The following DIS3 variants were observed in gnomAD, a reference collection of about 807,000 sequenced individuals.
DIS3 encodes exosome complex exonuclease RRP44.
In DIS3, 103 loss-of-function variants were observed where a neutral mutation model predicts 113.0. That is an observed-to-expected ratio of 0.91 (90% CI 0.78 to 1.07). The LOEUF (loss-of-function observed/expected upper bound fraction) is 1.07. DIS3 is among the 50% of genes least tolerant of loss of function. The pLI is 0.00. For synonymous variants in DIS3, 402 were observed against 394.3 expected, an observed-to-expected ratio of 1.02 and a Z score of -0.23; for missense variants, 1,121 against 1,167.1, an observed-to-expected ratio of 0.96 and a Z score of 0.58.
intron 3 of DIS3, among the ~76,000 whole-genome samples, chr13:72,777,981 A>T (rs1461319306): frequency 6.6e-6 from 1 of 152,220 alleles, no homozygotes; most frequent in African/African-American, 2.4e-5. Flanking sequence ...ACCAGTTGCA[A>T]ATAGTGAGGG....
rs115772459 is a variant in DIS3 at position 72,771,277 on chromosome 13, G to A, written c.1606-132C>T. 643 of 710,890 alleles carry A rather than the reference G, an allele frequency of 9.0e-4. 3 individuals carry two copies. The African/African-American group carries it at 9.9e-3, about 11-fold the overall frequency. 44.0% of individuals were successfully genotyped at this position (710,890 alleles called of 1,614,324 possible). ...TCTGCTTTTTGTAAATAGGAGAATT[G>A]AGAAAAGGTCAAATAAAAGGTTTGT... is the stretch of plus-strand genomic sequence containing the variant. On this transcript the variant is annotated intron_variant, in intron 11 of 20. Transcript: ENST00000377767.
At chr13:72,779,779 T>A (rs1309460567) in intron 2 of DIS3, among the ~76,000 whole-genome samples, 6 of 135,376 alleles carry the variant, frequency 4.4e-5, no homozygotes, top group Non-Finnish European at 6.4e-5. Context: ...GTGGGGGGGG[T>A]AAGGGGTGGT....
At chr13:72,780,325 C>CAAAAAAAAA (rs397851597) in intron 2 of DIS3, among the ~76,000 whole-genome samples, 1 of 55,384 alleles carries the variant, frequency 1.8e-5, no homozygotes, top group African/African-American at 8.0e-5. Context: ...GACTCCATCT[C>CAAAAAAAAA]AAAAAAAAAA....
At position 72,774,082 on chromosome 13, in the gene DIS3, T is replaced by C. The variant is rs773723304; in HGVS notation, c.988-23A>G. The C allele has an allele frequency of 8.1e-6, 12 of 1,488,354 alleles. No individual in the cohort carries two copies. The East Asian group carries it at 2.0e-4, about 25-fold the overall frequency. The allele number at this position is 1,488,354 out of a possible 1,614,324, so 92.2% of individuals were successfully genotyped here. A position where few individuals can be genotyped will look rare whatever the true frequency, so the allele number is the denominator to read the frequency against. Reference sequence around the variant, plus strand: ...AAGCTGAGATATAAAAATTAAAATGTTCAGTTATATTCCTCTAAGTATTAT... The same window carrying C: ...AAGCTGAGATATAAAAATTAAAATGCTCAGTTATATTCCTCTAAGTATTAT... On this transcript the variant is annotated intron_variant, in intron 6 of 20. Coordinates refer to ENST00000377767, the MANE Select transcript of DIS3 (RefSeq NM_014953.5).
chr13:72,755,078 AAC>A lies in DIS3; in HGVS notation c.*4715_*4716del, dbSNP rs1414238431. On this transcript the variant is annotated 3_prime_UTR_variant, in exon 21 of 21. Transcript: ENST00000377767. ...AAGAAACGTGCTTTTAGGTTTTAAA[AAC>A]AGTCCCGATAATTGCATCCTCCAGT... 7.6e-7 allele frequency: 1 copy of A among 1,311,524 alleles called. No homozygotes were observed. Among genetic ancestry groups the A allele is most frequent in the Non-Finnish European group, 1.1e-6 (1 of 911,568 alleles). The allele number at this position is 1,311,524 out of a possible 1,614,324, so 81.2% of individuals were successfully genotyped here. A position where few individuals can be genotyped will look rare whatever the true frequency, so the allele number is the denominator to read the frequency against.
chr13:72,773,886 C>T (rs1347364378), intron 7 of DIS3, 60 bp downstream of exon 7: 2 of 1,590,798 alleles, frequency 1.3e-6, no homozygotes, highest in South Asian at 1.2e-5. Flanking sequence ...AAAAGAAAGG[C>T]TATAAGTTCT....
chr13:72,775,985 G>A lies in DIS3; in HGVS notation c.762C>T (p.Ser254=), dbSNP rs2034008274. The A allele has an allele frequency of 6.2e-7, 1 of 1,611,090 alleles. No homozygotes were observed. ...CTGTAGCTTCCAAGTAATTTTCCCT[G>A]CTAGCTCTAAATGTTCCTTGAAGGT... is the stretch of plus-strand genomic sequence containing the variant. ...GTYLQGTFRA[S]RENYLEATVW... The change falls in exon 5 of 21, where the codon AGC becomes AGT. Residue 254 remains serine (S), a synonymous_variant. Transcript: ENST00000377767.
At chr13:72,771,577 A>G (rs1177190576) in intron 11 of DIS3, among the ~76,000 whole-genome samples, 1 of 151,814 alleles carries the variant, frequency 6.6e-6, no homozygotes, top group Non-Finnish European at 1.5e-5. Context: ...AGTATACAGA[A>G]GAACTCTGAC....
intron 14 of DIS3, among the ~76,000 whole-genome samples, chr13:72,768,023 C>T (rs2033794853): frequency 6.6e-6 from 1 of 152,180 alleles, no homozygotes; most frequent in African/African-American, 2.4e-5. Flanking sequence ...AGCTAAAAGA[C>T]TCAGATCTGT....
intron 2 of DIS3, among the ~76,000 whole-genome samples, chr13:72,780,432 T>A (rs992709679): frequency 3.3e-5 from 5 of 149,684 alleles, no homozygotes; most frequent in Non-Finnish European, 7.4e-5. Context: ...TAAGAATAAA[T>A]CTACTTTCTA....
intron 15 of DIS3, among the ~76,000 whole-genome samples, chr13:72,764,950 A>G (rs375938782): frequency 3.3e-5 from 5 of 152,156 alleles, no homozygotes; most frequent in African/African-American, 1.2e-4. Context: ...AAGTTCTACT[A>G]TAAGGGATTG....
At chr13:72,775,434 G>T in intron 5 of DIS3, 59 bp from the exon 6 acceptor site, 2 of 1,496,152 alleles carry the variant, frequency 1.3e-6, no homozygotes, top group East Asian at 2.4e-5. Context: ...TATAATAAAG[G>T]GAAGATCATC....
intron 6 of DIS3, among the ~76,000 whole-genome samples, chr13:72,774,929 TAA>T (rs1300598507): frequency 6.6e-6 from 1 of 152,176 alleles, no homozygotes. Flanking sequence ...TAAATCTCAC[TAA>T]GTCTAATAAT....
At chr13:72,763,646 A>T in intron 15 of DIS3, 39 bp from the exon 16 acceptor site, 1 of 1,574,522 alleles carries the variant, frequency 6.4e-7, no homozygotes, top group Non-Finnish European at 8.6e-7. Context: ...AAAAAAGAGA[A>T]TCTGAGACTT....
Position 72,779,623 on chromosome 13 carries a change from A to C in DIS3, c.386+1223T>G, listed in dbSNP as rs551658531. ...AGATATAAGAATCAAGAAAGTTGAG[A>C]TATTAAGGTTTTTAAAAATGTGCAT... is the stretch of plus-strand genomic sequence containing the variant. On this transcript the variant is annotated intron_variant, in intron 2 of 20. Transcript: ENST00000377767. Among the ~76,000 whole-genome samples the C allele has an allele frequency of 6.5e-4, 99 of 152,286 alleles. 1 individual carries two copies. Among genetic ancestry groups the C allele is most frequent in the Non-Finnish European group, 1.2e-3 (82 of 68,024 alleles).
intron 11 of DIS3, among the ~76,000 whole-genome samples, chr13:72,771,457 G>T (rs1199719905): frequency 2.0e-5 from 3 of 151,992 alleles, no homozygotes; most frequent in Non-Finnish European, 4.4e-5. Context: ...GTTTATACTT[G>T]ATACCTGACA....
chr13:72,768,121 T>G (rs2033797436), intron 14 of DIS3, among the ~76,000 whole-genome samples: 2 of 152,130 alleles, frequency 1.3e-5, no homozygotes, highest in South Asian at 2.1e-4. Flanking sequence ...TCTCCAAAAT[T>G]TAAAGTGCAA....
chr13:72,773,890 A>C, intron 7 of DIS3, 56 bp downstream of exon 7: 1 of 1,589,668 alleles, frequency 6.3e-7, no homozygotes, highest in Non-Finnish European at 8.5e-7. Context: ...GAAAGGCTAT[A>C]AGTTCTATTA....
At chr13:72,779,693 T>C (rs1442854436) in intron 2 of DIS3, among the ~76,000 whole-genome samples, 1 of 146,452 alleles carries the variant, frequency 6.8e-6, no homozygotes, top group Non-Finnish European at 1.5e-5. Context: ...TCTAATCCAA[T>C]GGTTCTCAAT....
Sources: gnomAD v4.1 joint callset for allele counts (sites outside exome capture counted in the v4.1 genomes callset) on GRCh38, gnomAD v4.1.1 for gene constraint, MANE v1.5 for transcripts, NCBI Gene and HGNC (gene_info 2026-07-23, HGNC 2026-07-21) for gene names.